The following BNC2 variants were observed in gnomAD, a reference collection of about 807,000 sequenced individuals.
The protein encoded by BNC2 is zinc finger protein basonuclin-2.
BNC2 carries 20 observed loss-of-function variants against 76.3 expected under a neutral mutation model. That is an observed-to-expected ratio of 0.26 (90% CI 0.18 to 0.38). The LOEUF is 0.38. BNC2 is among the 10% of genes least tolerant of loss of function. BNC2 has a pLI of 1.00. For synonymous variants in BNC2, 582 were observed against 514.8 expected (o/e 1.13, Z -1.77); for missense variants, 1,382 against 1,399.8 (o/e 0.99, Z 0.20).
intron 2 of BNC2, among the ~76,000 whole-genome samples, chr9:16,733,886 A>G (rs2135066374): frequency 6.7e-6 from 1 of 148,274 alleles, no homozygotes; most frequent in East Asian, 2.0e-4. Context: ...CTCCATCTGA[A>G]AAAAAAAAAA....
At chr9:16,470,721 A>G (rs1442553432) in intron 5 of BNC2, among the ~76,000 whole-genome samples, 1 of 152,212 alleles carries the variant, frequency 6.6e-6, no homozygotes, top group Non-Finnish European at 1.5e-5. Flanking sequence ...AGATGCACAG[A>G]AGTCAAGAAT....
intron 3 of BNC2, among the ~76,000 whole-genome samples, chr9:16,653,449 G>A (rs949516747): frequency 2.0e-5 from 3 of 152,024 alleles, no homozygotes; most frequent in African/African-American, 4.8e-5. Flanking sequence ...TTTATCTCAC[G>A]GACAAATGAA....
At chr9:16,744,067 C>T (rs1354452363) in intron 1 of BNC2, among the ~76,000 whole-genome samples, 2 of 152,124 alleles carry the variant, frequency 1.3e-5, no homozygotes, top group African/African-American at 2.4e-5. Context: ...CCCGGGTTCA[C>T]GCCATTCTCC....
chr9:16,832,272 T>C, intron 1 of BNC2: 10 of 1,285,250 alleles, frequency 7.8e-6, no homozygotes, highest in Non-Finnish European at 1.0e-5. Context: ...AGAAGGTTCT[T>C]TGACGTCATC....
intron 1 of BNC2, among the ~76,000 whole-genome samples, chr9:16,846,758 A>G (rs1366397463): frequency 6.6e-6 from 1 of 152,264 alleles, no homozygotes; most frequent in Non-Finnish European, 1.5e-5. Context: ...AGACCAATCC[A>G]TGAAGAGTAA....
intron 1 of BNC2, among the ~76,000 whole-genome samples, chr9:16,745,458 G>C (rs560594282): frequency 6.6e-6 from 1 of 152,166 alleles, no homozygotes; most frequent in South Asian, 2.1e-4. Context: ...TAACAGAAAC[G>C]TATGTTCCTT....
intron 1 of BNC2, among the ~76,000 whole-genome samples, chr9:16,762,302 A>G (rs980354208): frequency 6.6e-6 from 1 of 152,330 alleles, no homozygotes; most frequent in Non-Finnish European, 1.5e-5. Context: ...AAATACAATC[A>G]TCTCGTACAA....
intron 1 of BNC2, among the ~76,000 whole-genome samples, chr9:16,781,603 A>G (rs888353331): frequency 9.9e-5 from 15 of 152,204 alleles, no homozygotes; most frequent in Non-Finnish European, 1.9e-4. Flanking sequence ...CTGGCCTCCC[A>G]AAGTGCTGAA....
intron 5 of BNC2, among the ~76,000 whole-genome samples, chr9:16,464,947 G>A (rs1431898774): frequency 3.3e-5 from 5 of 152,088 alleles, no homozygotes; most frequent in African/African-American, 1.2e-4. Flanking sequence ...CTCCTCCTAT[G>A]GCCTTTCCAA....
At chr9:16,440,213 T>A (rs184013897) in intron 5 of BNC2, among the ~76,000 whole-genome samples, 1 of 152,156 alleles carries the variant, frequency 6.6e-6, no homozygotes, top group African/African-American at 2.4e-5. Context: ...AAGATACTAA[T>A]TGAAGGCCCA....
chr9:16,811,766 GA>G (rs1195733478), intron 1 of BNC2, among the ~76,000 whole-genome samples: 2 of 152,152 alleles, frequency 1.3e-5, no homozygotes, highest in African/African-American at 4.8e-5. Context: ...CACTAGTGTT[GA>G]AAGGAAAAGA....
chr9:16,448,655 A>G (rs1821276304), intron 5 of BNC2, among the ~76,000 whole-genome samples: 1 of 152,222 alleles, frequency 6.6e-6, no homozygotes, highest in Admixed American at 6.5e-5. Flanking sequence ...AGGATTGAGT[A>G]TTCCATAAAA....
At chr9:16,783,867 G>C (rs897905906) in intron 1 of BNC2, among the ~76,000 whole-genome samples, 2 of 151,892 alleles carry the variant, frequency 1.3e-5, no homozygotes, top group African/African-American at 4.8e-5. Flanking sequence ...AAACTGTATT[G>C]GTAAATTTTC....
chr9:16,701,614 A>C (rs1823515297), intron 3 of BNC2, among the ~76,000 whole-genome samples: 1 of 152,210 alleles, frequency 6.6e-6, no homozygotes, highest in Admixed American at 6.5e-5. Flanking sequence ...GGCTAAAAGA[A>C]GTTAGATGTT....
At chr9:16,868,565 GA>G (rs971564053) in intron 1 of BNC2, among the ~76,000 whole-genome samples, 73 of 152,138 alleles carry the variant, frequency 4.8e-4, no homozygotes, top group East Asian at 3.7e-3. Context: ...TTCTCAAGAG[GA>G]AAAAAAGTTT....
intron 4 of BNC2, among the ~76,000 whole-genome samples, chr9:16,570,995 A>G (rs891025643): frequency 6.6e-6 from 1 of 152,240 alleles, no homozygotes; most frequent in Non-Finnish European, 1.5e-5. Context: ...TTCTAATTAG[A>G]TAAGTTCAAT....
At chr9:16,776,508 C>T (rs1201238078) in intron 1 of BNC2, among the ~76,000 whole-genome samples, 2 of 152,160 alleles carry the variant, frequency 1.3e-5, no homozygotes, top group Admixed American at 1.3e-4. Flanking sequence ...ATATAATCAA[C>T]TAGCTGTAGG....
rs188143732 is a variant in BNC2 at position 16,418,334 on chromosome 9, T to C, written c.*655A>G. The C allele has an allele frequency of 3.3e-5, 5 of 152,818 alleles. No homozygotes were observed. The highest frequency in any genetic ancestry group is 3.9e-4 in the East Asian group (2 of 5,180). The allele number at this position is 152,818 out of a possible 1,614,324, so 9.5% of individuals were successfully genotyped here. On this transcript the variant is annotated 3_prime_UTR_variant, in exon 7 of 7. Coordinates refer to ENST00000380672, the MANE Select transcript of BNC2 (RefSeq NM_017637.6). ...GTGCATTAATGCTAACATAAATGAA[T>C]AGAGCTAGCCAGCAAACTATCTTTT...
At chr9:16,477,498 G>A (rs1264223057) in intron 5 of BNC2, among the ~76,000 whole-genome samples, 1 of 152,008 alleles carries the variant, frequency 6.6e-6, no homozygotes, top group Non-Finnish European at 1.5e-5. Flanking sequence ...TTTTCAAAAA[G>A]AATTAGTTAT....
Sources: allele counts gnomAD v4.1 joint callset (sites outside exome capture counted in the v4.1 genomes callset), GRCh38; gene constraint gnomAD v4.1.1; transcripts MANE v1.5; gene names NCBI Gene and HGNC (gene_info 2026-07-23, HGNC 2026-07-21).